Variants in DNAH9 observed in about 807,000 individuals in gnomAD.
The protein encoded by DNAH9 is dynein axonemal heavy chain 9.
A neutral mutation model predicts 471.6 loss-of-function variants in DNAH9; 345 were observed. The observed-to-expected ratio is 0.73, with a 90% confidence interval of 0.67 to 0.80. DNAH9 has a LOEUF of 0.80. DNAH9 is among the 30% of genes least tolerant of loss of function. The pLI, the probability that DNAH9 is intolerant of heterozygous loss-of-function variation, is 0.00. For missense variants in DNAH9, 5,407 were observed against 5,609.2 expected (o/e 0.96, Z 1.15); for synonymous variants, 2,093 against 2,123.6 (o/e 0.99, Z 0.40).
intron 57 of DNAH9, among the ~76,000 whole-genome samples, chr17:11,888,176 G>A (rs1041452972): frequency 4.6e-5 from 7 of 151,852 alleles, no homozygotes; most frequent in Admixed American, 1.3e-4. Flanking sequence ...AGTAGAGACG[G>A]GGTTTCACTG....
At chr17:11,925,937 A>G (rs1279512208) in intron 62 of DNAH9, among the ~76,000 whole-genome samples, 1 of 150,856 alleles carries the variant, frequency 6.6e-6, no homozygotes, top group East Asian at 2.0e-4. Flanking sequence ...TAGGAATCAC[A>G]GCTATCTGGT....
chr17:11,635,054 C>T (rs960266048), intron 8 of DNAH9, among the ~76,000 whole-genome samples: 1 of 152,194 alleles, frequency 6.6e-6, no homozygotes, highest in South Asian at 2.1e-4. Context: ...TGTTCGTTGA[C>T]TTAAAGCAAG....
chr17:11,836,857 A>G (rs1390566942), intron 49 of DNAH9, among the ~76,000 whole-genome samples: 2 of 152,190 alleles, frequency 1.3e-5, no homozygotes, highest in Non-Finnish European at 2.9e-5. Context: ...TTCTTTTCAT[A>G]CAGGTTTTAT....
Position 11,928,121 on chromosome 17 carries a change from T to TCA in DNAH9, c.11878-1745_11878-1744insCA, listed in dbSNP as rs1176223082. 1.9e-3 allele frequency among the ~76,000 whole-genome samples: 291 copies of TCA among 150,852 alleles called. 5 individuals are homozygous for TCA. In the East Asian group the frequency reaches 0.035, roughly 18 times the overall value. Reference sequence around the variant, plus strand: ...TTTATTTATTTATTTATTTATTTATTTATTCATTCATTCATTTATTTATTT... The same window carrying TCA: ...TTTATTTATTTATTTATTTATTTATTCATATTCATTCATTCATTTATTTATTT... On this transcript the variant is annotated intron_variant, in intron 62 of 68. Transcript: ENST00000262442.
chr17:11,888,367 T>C (rs1972949897), intron 57 of DNAH9, among the ~76,000 whole-genome samples: 1 of 152,174 alleles, frequency 6.6e-6, no homozygotes, highest in African/African-American at 2.4e-5. Flanking sequence ...TAAAAATCTT[T>C]TAAAACAGCA....
chr17:11,670,074 TC>T (rs1175424166), intron 17 of DNAH9, among the ~76,000 whole-genome samples: 3 of 152,186 alleles, frequency 2.0e-5, no homozygotes, highest in African/African-American at 7.2e-5. Context: ...TAATAGCAGA[TC>T]CAAGCTTCCT....
intron 4 of DNAH9, among the ~76,000 whole-genome samples, chr17:11,614,820 G>A (rs1343046214): frequency 6.6e-6 from 1 of 152,156 alleles, no homozygotes; most frequent in African/African-American, 2.4e-5. Flanking sequence ...CTTTGATGAG[G>A]GCCTTAATCC....
chr17:11,686,287 G>A (rs549496452), intron 19 of DNAH9, among the ~76,000 whole-genome samples: 2 of 152,236 alleles, frequency 1.3e-5, no homozygotes, highest in African/African-American at 2.4e-5. Flanking sequence ...ACGATCAAAT[G>A]CATGAGCGCC....
intron 45 of DNAH9, among the ~76,000 whole-genome samples, chr17:11,815,498 A>G (rs1027797818): frequency 6.6e-6 from 1 of 152,104 alleles, no homozygotes; most frequent in Non-Finnish European, 1.5e-5. Context: ...TATCTCAACT[A>G]TAATTCCTGG....
At chr17:11,851,356 G>A (rs1415833900) in intron 49 of DNAH9, among the ~76,000 whole-genome samples, 1 of 152,030 alleles carries the variant, frequency 6.6e-6, no homozygotes, top group Non-Finnish European at 1.5e-5. Flanking sequence ...GACCTTAGGT[G>A]ATCTCCCTTC....
In DNAH9 at chr17:11,781,843, ACAAAC is replaced by A. The variant is rs1235254876; in HGVS notation, c.7718+670_7718+674del. On this transcript the variant is annotated intron_variant, in intron 39 of 68. Transcript: ENST00000262442. ...CGAGACTCCATCTTAAAAAAAAAAAACAAACAAAAAAAAAACTACCAAACACCCGG... is the reference window on the plus strand; with the variant it reads ...CGAGACTCCATCTTAAAAAAAAAAAAAAAAAAAAAACTACCAAACACCCGG... Among the ~76,000 whole-genome samples the A allele has an allele frequency of 4.5e-4, 65 of 142,916 alleles. 4 individuals carry two copies. The highest frequency in any genetic ancestry group is 8.1e-4 in the East Asian group (4 of 4,932). 93.8% of individuals were successfully genotyped at this position (142,916 alleles called of 152,430 possible).
intron 28 of DNAH9, among the ~76,000 whole-genome samples, chr17:11,731,412 T>A (rs1368505612): frequency 6.7e-6 from 1 of 150,314 alleles, no homozygotes; most frequent in African/African-American, 2.4e-5. Flanking sequence ...TTTTTTTAAA[T>A]TATACTTTAA....
intron 45 of DNAH9, among the ~76,000 whole-genome samples, chr17:11,817,326 A>G (rs1466155715): frequency 6.6e-6 from 1 of 152,200 alleles, no homozygotes; most frequent in African/African-American, 2.4e-5. Context: ...TTCTTCTTAA[A>G]GGTTCTAGGG....
At chr17:11,781,553 G>A (rs896537821) in intron 39 of DNAH9, among the ~76,000 whole-genome samples, 7 of 152,144 alleles carry the variant, frequency 4.6e-5, no homozygotes, top group Non-Finnish European at 8.8e-5. Flanking sequence ...CCTAACACAC[G>A]CCAGGTGCAG....
In DNAH9 at chr17:11,677,626, A is replaced by G. The variant is rs541618448; in HGVS notation, c.3354-2131A>G. Among the ~76,000 whole-genome samples the G allele has an allele frequency of 4.7e-4, 71 of 152,316 alleles. No homozygotes were observed. In the South Asian group the frequency reaches 0.014, roughly 29 times the overall value. ...TTTTAACTGGAGGGTTTTGTTCATT[A>G]ACATTGATCGTGGTACATTTTAATT... On this transcript the variant is annotated intron_variant, in intron 17 of 68. Transcript: ENST00000262442.
At chr17:11,907,198 C>T (rs572446462) in intron 61 of DNAH9, among the ~76,000 whole-genome samples, 45 of 152,122 alleles carry the variant, frequency 3.0e-4, no homozygotes, top group African/African-American at 9.6e-4. Context: ...TGGCCGGGCA[C>T]GGTGGCTCAC....
At chr17:11,942,227 C>A in intron 66 of DNAH9, 76 bp from the exon 67 acceptor site, 2 of 1,549,486 alleles carry the variant, frequency 1.3e-6, no homozygotes, top group South Asian at 1.2e-5. Flanking sequence ...CATCTCTAGT[C>A]CCACACTGCA....
Position 11,719,503 on chromosome 17 carries a change from C to A in DNAH9, c.5709+13C>A. ...GATGGATTACAAGGTACAGTTCCAC[C>A]CGGCTTCCTGGGGGTGGGGGTGGGG... On this transcript the variant is annotated intron_variant, in intron 27 of 68. Transcript: ENST00000262442. 6.2e-7 allele frequency: 1 copy of A among 1,601,810 alleles called. No individual in the cohort carries two copies. The highest frequency in any genetic ancestry group is 8.5e-7 in the Non-Finnish European group (1 of 1,172,934).
Position 11,871,621 on chromosome 17 carries a change from C to T in DNAH9, c.10077C>T (p.Asn3359=), listed in dbSNP as rs767137399. ...AGGTTGGAGGACTCGCTTCTGAAAA[C>T]GTGAGGTGGGCAGATGCCGTGCAGA... ...NRLVGGLASE[N]VRWADAVQNF... Residue 3359 remains asparagine, a synonymous_variant, in exon 52 of 69, where the codon AAC becomes AAT. Transcript: ENST00000262442. 6 of 1,613,906 alleles carry T rather than the reference C, an allele frequency of 3.7e-6. No individual in the cohort carries two copies. Among genetic ancestry groups the T allele is most frequent in the African/African-American group, 1.3e-5 (1 of 74,922 alleles).
Sources: gnomAD v4.1 joint callset for allele counts (sites outside exome capture counted in the v4.1 genomes callset) on GRCh38, gnomAD v4.1.1 for gene constraint, MANE v1.5 for transcripts, NCBI Gene and HGNC (gene_info 2026-07-23, HGNC 2026-07-21) for gene names.